The following ASB4 variants were observed in gnomAD, a reference collection of about 807,000 sequenced individuals.
ASB4 encodes the protein ankyrin repeat and SOCS box protein 4.
ASB4 carries 35 observed loss-of-function variants against 38.6 expected under a neutral mutation model. The ratio of observed to expected loss-of-function variants is 0.91; its 90% confidence interval spans 0.69 to 1.20. ASB4 has a LOEUF of 1.20. Ranked by LOEUF, ASB4 falls within the 50% of genes most tolerant of loss-of-function variation. The pLI is 0.00. For missense variants in ASB4, 557 were observed against 527.2 expected (o/e 1.06, Z -0.55); for synonymous variants, 195 against 201.3 (o/e 0.97, Z 0.26).
chr7:95,518,228 A>G (rs759350989), intron 2 of ASB4, among the ~76,000 whole-genome samples: 14 of 152,250 alleles, frequency 9.2e-5, no homozygotes, highest in South Asian at 4.1e-4. Flanking sequence ...GTCCACTTGA[A>G]GTTCAGCAGG....
intron 2 of ASB4, among the ~76,000 whole-genome samples, chr7:95,515,232 T>C (rs1033234176): frequency 4.3e-5 from 4 of 94,046 alleles, no homozygotes; most frequent in Non-Finnish European, 8.3e-5. Context: ...TTTCTTTCTT[T>C]TTCTTTCTTT....
At chr7:95,476,386 T>C (rs1789976318), upstream of ASB4, among the ~76,000 whole-genome samples, 1 of 152,182 alleles carries the variant, frequency 6.6e-6, no homozygotes, top group African/African-American at 2.4e-5. Context: ...ACTGACATTC[T>C]TTTTTATATT....
At chr7:95,490,821 C>T (rs1439198746) in intron 1 of ASB4, among the ~76,000 whole-genome samples, 4 of 152,268 alleles carry the variant, frequency 2.6e-5, no homozygotes, top group Non-Finnish European at 4.4e-5. Context: ...CACGCGCACG[C>T]GTGCACACAC....
the ASB4 span, chr7:95,472,060 G>C: frequency 6.6e-6 from 1 of 152,168 alleles, no homozygotes; most frequent in African/African-American, 2.4e-5. Context: ...ACAGCAAAAG[G>C]AGGTCAGTGG....
chr7:95,482,289 G>A (rs1412410009), upstream of ASB4, among the ~76,000 whole-genome samples: 4 of 152,118 alleles, frequency 2.6e-5, no homozygotes. Context: ...ATATAGCTAT[G>A]GGACAAGACT....
At chr7:95,477,290 G>T (rs2116562792), upstream of ASB4, among the ~76,000 whole-genome samples, 1 of 152,172 alleles carries the variant, frequency 6.6e-6, no homozygotes, top group East Asian at 1.9e-4. Flanking sequence ...ATTTGAAGCT[G>T]TGTTTGTTAA....
intron 1 of ASB4, among the ~76,000 whole-genome samples, chr7:95,493,876 A>G (rs76514895): frequency 0.12 from 18,838 of 152,014 alleles, 1,318 homozygotes; most frequent in Non-Finnish European, 0.16. Flanking sequence ...TAATGGTTGT[A>G]TAGTATTTGA....
chr7:95,528,589 G>GT, intron 3 of ASB4: 1 of 1,380,204 alleles, frequency 7.2e-7, no homozygotes, highest in Non-Finnish European at 9.3e-7. Flanking sequence ...AGGGACTGAG[G>GT]TAAGTCTGCC....
chr7:95,543,517 C>G (rs941630316), downstream of ASB4: 1 of 152,126 alleles, frequency 6.6e-6, no homozygotes, highest in Non-Finnish European at 1.5e-5. Flanking sequence ...CTATTGGAGT[C>G]GAGGGCAGAT....
rs1308049865 is a variant in ASB4, at chr7:95,515,312, TCTTTCTTCCTTC to T, written c.488-12497_488-12486del. The stretch of plus-strand genomic sequence containing the variant: ...TTCTTTCTTTCTTTCTTTCTTTCTT[TCTTTCTTCCTTC>T]CTTCCTTCCTTTCTTTCTTTCTTTC... On this transcript the variant is annotated intron_variant, in intron 2 of 4. Coordinates refer to ENST00000325885, the MANE Select transcript of ASB4 (RefSeq NM_016116.3). Among the ~76,000 whole-genome samples the T allele has an allele frequency of 1.3e-3, 128 of 100,734 alleles. 3 individuals carry two copies. Among genetic ancestry groups the T allele is most frequent in the African/African-American group, 4.6e-3 (119 of 25,652 alleles). The allele number at this position is 100,734 out of a possible 152,430, so 66.1% of individuals were successfully genotyped here. A position where few individuals can be genotyped will look rare whatever the true frequency, so the allele number is the denominator to read the frequency against.
downstream of ASB4, chr7:95,542,081 A>ACC (rs1554352007): frequency 2.1e-5 from 3 of 144,674 alleles, no homozygotes; most frequent in African/African-American, 8.0e-5. Flanking sequence ...AAAACAAAAA[A>ACC]AACAAAAAAA....
At chr7:95,498,804 T>C (rs544871858) in intron 2 of ASB4, among the ~76,000 whole-genome samples, 1 of 152,300 alleles carries the variant, frequency 6.6e-6, no homozygotes, top group Admixed American at 6.5e-5. Context: ...GTAGGATTCA[T>C]TTTGAGTTAA....
chr7:95,528,670 C>T lies in ASB4; in HGVS notation c.978+367C>T, dbSNP rs141701529. 1,146 of 1,127,620 alleles carry T rather than the reference C, an allele frequency of 1.0e-3. 10 individuals carry two copies. In the African/African-American group the frequency reaches 0.017, roughly 17 times the overall value. The allele number at this position is 1,127,620 out of a possible 1,614,324, so 69.9% of individuals were successfully genotyped here. A position where few individuals can be genotyped will look rare whatever the true frequency, so the allele number is the denominator to read the frequency against. ...AACAGAATGACTGATCTAAAGATGA[C>T]TCAGCCTGCTTTGAAATTAGCTTGT... On this transcript the variant is annotated intron_variant, in intron 3 of 4. Transcript: ENST00000325885.
the ASB4 span, among the ~76,000 whole-genome samples, chr7:95,547,529 T>C: frequency 7.2e-5 from 11 of 152,210 alleles, no homozygotes; most frequent in Admixed American, 6.5e-5. Context: ...AAAATAAATA[T>C]TTATGCATTC....
intron 3 of ASB4, among the ~76,000 whole-genome samples, chr7:95,529,588 G>A (rs777219552): frequency 6.6e-6 from 1 of 152,078 alleles, no homozygotes; most frequent in Non-Finnish European, 1.5e-5. Context: ...ATCTCAATAG[G>A]AATTTTCTCT....
chr7:95,518,759 T>G (rs1336782033), intron 2 of ASB4, among the ~76,000 whole-genome samples: 1 of 152,174 alleles, frequency 6.6e-6, no homozygotes, highest in Non-Finnish European at 1.5e-5. Context: ...TTTTTATCAT[T>G]GCCACACAAT....
At chr7:95,504,677 T>C (rs1242209210) in intron 2 of ASB4, among the ~76,000 whole-genome samples, 1 of 152,090 alleles carries the variant, frequency 6.6e-6, no homozygotes, top group Admixed American at 6.6e-5. Flanking sequence ...CTATAAAAAA[T>C]TGAAACCCAA....
intron 2 of ASB4, among the ~76,000 whole-genome samples, chr7:95,524,082 A>G (rs1790700242): frequency 1.3e-5 from 2 of 152,158 alleles, no homozygotes; most frequent in African/African-American, 4.8e-5. Flanking sequence ...GACAGTACTT[A>G]ATGAAGTTGA....
intron 2 of ASB4, among the ~76,000 whole-genome samples, chr7:95,524,999 C>A (rs916999146): frequency 1.7e-4 from 26 of 152,186 alleles, no homozygotes; most frequent in Middle Eastern, 3.2e-3. Flanking sequence ...TAACCACTCA[C>A]CCTTCAAAGT....
Sources: gnomAD v4.1 joint callset for allele counts (sites outside exome capture counted in the v4.1 genomes callset) on GRCh38, gnomAD v4.1.1 for gene constraint, MANE v1.5 for transcripts, NCBI Gene and HGNC (gene_info 2026-07-23, HGNC 2026-07-21) for gene names.